Variants in CACNA1F observed in about 807,000 individuals in gnomAD.
CACNA1F encodes voltage-dependent L-type calcium channel subunit alpha-1F.
In CACNA1F, 59 loss-of-function variants were observed where a neutral mutation model predicts 143.8. The ratio of observed to expected loss-of-function variants is 0.41; its 90% CI spans 0.33 to 0.51. The LOEUF is 0.51. Ranked by LOEUF, CACNA1F falls within the 20% of genes least tolerant of loss-of-function variation. The pLI is 0.22. For synonymous variants in CACNA1F, 643 were observed against 649.1 expected (o/e 0.99, Z 0.14); for missense variants, 1,411 against 1,647.5 (o/e 0.86, Z 2.48).
chrX:49,223,595 CA>C (rs58022930), intron 14 of CACNA1F, among the ~76,000 whole-genome samples: 317 of 23,581 alleles, frequency 0.013, no homozygotes, highest in African/African-American at 0.024. Context: ...GACTCTGTCT[CA>C]AAAAAAAAAA....
At position 49,228,310 on chromosome X, in the gene CACNA1F, C is replaced by A; in HGVS notation, c.955G>T (p.Ala319Ser). 1 of 1,211,569 alleles carries A rather than the reference C, an allele frequency of 8.3e-7. No homozygotes were observed. The highest frequency in any genetic ancestry group is 1.1e-6 in the Non-Finnish European group (1 of 895,183). The change falls in exon 7 of 48, where the codon GCC (alanine) becomes TCC (serine). Residue 319 changes from alanine (A) to serine (S), a missense_variant. This residue lies in a region of CACNA1F where 950 missense variants were observed against 1,128.1 expected (regional missense o/e 0.84). Transcript: ENST00000323022. ...GITNFDNFFF[A>S]MLTVFQCVTM... ...ACACACTGGAAGACTGTCAGCATGG[C>A]GAAGAAGAAGTTGTCAAAGTTGGTG...
chrX:49,214,130 G>A (rs782510370), intron 30 of CACNA1F, 29 bp downstream of exon 30: 1 of 955,547 alleles, frequency 1.0e-6, no homozygotes, highest in Non-Finnish European at 1.5e-6. Flanking sequence ...TTCATCCACT[G>A]GTGGGTGGGG....
rs59224271 is a variant in CACNA1F at position 49,223,734 on chromosome X, C to CT, written c.1878-599dup. On this transcript the variant is annotated intron_variant, in intron 14 of 47. Coordinates refer to ENST00000323022, the MANE Select transcript of CACNA1F (RefSeq NM_001256789.3). The stretch of plus-strand genomic sequence containing the variant: ...AGGATGGAGTTTTTTTTTTTCTTAT[C>CT]TTTTTTTTTTTTTTTGAGATGAAGT... Among the ~76,000 whole-genome samples, 83 of 70,754 alleles carry CT rather than the reference C, an allele frequency of 1.2e-3. 1 individual carries two copies. Among genetic ancestry groups the CT allele is most frequent in the Admixed American group, 7.2e-3 (44 of 6,087 alleles). The allele number at this position is 70,754 out of a possible 115,157, so 61.4% of individuals were successfully genotyped here.
intron 17 of CACNA1F, among the ~76,000 whole-genome samples, chrX:49,221,616 C>T (rs1225249186): frequency 9.3e-6 from 1 of 107,874 alleles, no homozygotes; most frequent in Non-Finnish European, 1.9e-5. Context: ...CCACCCTCCT[C>T]GGCCTCCCAA....
At chrX:49,223,898 A>AT (rs782406866) in intron 14 of CACNA1F, among the ~76,000 whole-genome samples, 1 of 108,623 alleles carries the variant, frequency 9.2e-6, no homozygotes, top group South Asian at 4.0e-4. Context: ...CTCCCGGCTA[A>AT]TTTTTTTGTA....
At chrX:49,214,492 A>G (rs1172244357) in intron 29 of CACNA1F, among the ~76,000 whole-genome samples, 2 of 112,589 alleles carry the variant, frequency 1.8e-5, no homozygotes, top group African/African-American at 6.5e-5. Context: ...CTAGTGAGAC[A>G]TAAACATAAA....
rs781946990 is a variant in CACNA1F at position 49,206,751 on chromosome X, C to T, written c.5336G>A (p.Arg1779His). 72 of 1,205,141 alleles carry T rather than the reference C, an allele frequency of 6.0e-5. No homozygotes were observed. The highest frequency in any genetic ancestry group is 1.4e-4 in the African/African-American group (8 of 57,392). ...YMDGHLVPRRRLLPPTPAGRK... is the reference protein window; with the variant it reads ...YMDGHLVPRRHLLPPTPAGRK... ...ACCTGCAGGTGTGGGGGGCAGCAGA[C>T]GGCGGCGTGGTACCAGGTGCCCATC... The change falls in exon 45 of 48, where the codon CGT becomes CAT. Residue 1779 changes from arginine to histidine, a missense_variant. By Grantham distance (29) the Arg-to-His change is conservative. Transcript: ENST00000323022.
Position 49,231,211 on chromosome X carries a change from G to T in CACNA1F, c.372C>A (p.Asn124Lys). 1 of 1,150,214 alleles carries T rather than the reference G, an allele frequency of 8.7e-7. No homozygotes were observed. 94.8% of individuals were successfully genotyped at this position (1,150,214 alleles called of 1,213,427 possible). A position where few individuals can be genotyped will look rare whatever the true frequency, so the allele number is the denominator to read the frequency against. The change falls in exon 3 of 48, where the codon AAC (asparagine) becomes AAA (lysine). Residue 124 changes from asparagine (N) to lysine (K), a missense_variant. By Grantham distance (94) the Asn-to-Lys change is moderately conservative. Coordinates refer to ENST00000323022, the MANE Select transcript of CACNA1F (RefSeq NM_001256789.3). ...GCGGGGCGGGCCTTACCAGGTTGTG[G>T]TTGGCAGTGTTGGAGTCGTCCTCAG... is the stretch of plus-strand genomic sequence containing the variant. ...PFPEDDSNTA[N>K]HNLEQVEYVF...
chrX:49,208,199 A>C (rs2065618551), intron 43 of CACNA1F, among the ~76,000 whole-genome samples: 1 of 30,078 alleles, frequency 3.3e-5, no homozygotes, highest in South Asian at 1.9e-3. Flanking sequence ...CTCTGTCTCA[A>C]AAAAAAAAAA....
At chrX:49,208,989 C>T (rs1281690184) in intron 42 of CACNA1F, 1 of 402,114 alleles carries the variant, frequency 2.5e-6, no homozygotes, top group Non-Finnish European at 4.3e-6. Context: ...CCACTCCTAG[C>T]TAATTTTTAA....
rs201237474 is a variant in CACNA1F at position 49,213,810 on chromosome X, A to G, written c.3792+9T>C. ...GCGAGAGTGGATTAGTGGAAAGGCC[A>G]GTTCTCACATTGACTTCAGTGACGG... On this transcript the variant is annotated intron_variant, in intron 31 of 47. Transcript: ENST00000323022. 1.7e-6 allele frequency: 2 copies of G among 1,147,872 alleles called. No individual in the cohort carries two copies. The highest frequency in any genetic ancestry group is 1.8e-5 in the South Asian group (1 of 55,486). The allele number at this position is 1,147,872 out of a possible 1,213,427, so 94.6% of individuals were successfully genotyped here.
In CACNA1F at chrX:49,225,851, C is replaced by T; in HGVS notation, c.1651+58G>A. 3 of 1,129,721 alleles carry T rather than the reference C, an allele frequency of 2.7e-6. No homozygotes were observed. In the South Asian group the frequency reaches 5.8e-5, roughly 22 times the overall value. 93.1% of individuals were successfully genotyped at this position (1,129,721 alleles called of 1,213,427 possible). ...GCGCCCTAGAGGTTTTGGATTTAAG[C>T]TTCTGGGGTAGAAGGAATAGGAGGC... On this transcript the variant is annotated intron_variant, in intron 13 of 47. Transcript: ENST00000323022.
In CACNA1F at chrX:49,210,336, G is replaced by C. The variant is rs1557105895; in HGVS notation, c.4553C>G (p.Ala1518Gly). 8.3e-7 allele frequency: 1 copy of C among 1,207,978 alleles called. No homozygotes were observed. Among genetic ancestry groups the C allele is most frequent in the Non-Finnish European group, 1.1e-6 (1 of 891,926 alleles). Reference protein sequence around the residue: ...GTVTFNATLFALVRTSLKIKT... With the variant: ...GTVTFNATLFGLVRTSLKIKT... ...GATCTTCAGGGATGTCCGGACCAGG[G>C]CAAAGAGTGTGGCGTTGAATGTCAC... is the stretch of plus-strand genomic sequence containing the variant. Residue 1518 changes from alanine (A) to glycine (G), a missense_variant, in exon 39 of 48, where the codon GCC becomes GGC. Around this residue, in one of 3 missense-constraint regions of CACNA1F, gnomAD observed 112 missense variants for 169.2 expected, o/e 0.66. Coordinates refer to ENST00000323022, the MANE Select transcript of CACNA1F (RefSeq NM_001256789.3).
chrX:49,209,771 G>C lies in CACNA1F; in HGVS notation c.4691-12C>G. 8.3e-7 allele frequency: 1 copy of C among 1,210,799 alleles called. No individual in the cohort carries two copies. The highest frequency in any genetic ancestry group is 1.1e-6 in the Non-Finnish European group (1 of 894,747). On this transcript the variant is annotated splice_polypyrimidine_tract_variant and intron_variant, in intron 40 of 47. Transcript: ENST00000323022. ...GGTGACCTCCTCCTCTAGGGGCAAG[G>C]GAGAGAAGGCAAGATCACACAGGGG... is the stretch of plus-strand genomic sequence containing the variant.
chrX:49,208,574 GTCA>G lies in CACNA1F; in HGVS notation c.5061_5063del (p.Asp1688del), dbSNP rs2036247393. The G allele has an allele frequency of 8.3e-7, 1 of 1,208,057 alleles. No homozygotes were observed. ...GCTGACTGGAGGTGGGAGTCCCCCTGTCATCATCACTGGGCCCAAAGGAGAGTG... is the reference window on the plus strand; with the variant it reads ...GCTGACTGGAGGTGGGAGTCCCCCTGTCATCACTGGGCCCAAAGGAGAGTG... On this transcript the variant is annotated inframe_deletion, in exon 43 of 48. Coordinates refer to ENST00000323022, the MANE Select transcript of CACNA1F (RefSeq NM_001256789.3).
At chrX:49,209,130 A>C in intron 42 of CACNA1F, 132 bp downstream of exon 42, 2 of 794,549 alleles carry the variant, frequency 2.5e-6, no homozygotes, top group Non-Finnish European at 3.7e-6. Context: ...CCCAGCCTCA[A>C]ATAAATATTT....
chrX:49,231,624 C>T (rs1785923828), intron 2 of CACNA1F, 54 bp downstream of exon 2: 1 of 1,195,760 alleles, frequency 8.4e-7, no homozygotes, highest in African/African-American at 1.7e-5. Context: ...ATTCTTTACT[C>T]CTGGTACCCT....
At chrX:49,223,615 A>G (rs1405746785) in intron 14 of CACNA1F, among the ~76,000 whole-genome samples, 5 of 104,262 alleles carry the variant, frequency 4.8e-5, no homozygotes, top group African/African-American at 1.7e-4. Context: ...AAAAAAAAAA[A>G]AAAAAGAAGA....
At chrX:49,221,431 C>T (rs1267452027) in intron 17 of CACNA1F, among the ~76,000 whole-genome samples, 4 of 111,215 alleles carry the variant, frequency 3.6e-5, no homozygotes, top group Admixed American at 9.5e-5. Flanking sequence ...TTTTTTGAGA[C>T]GGAGTCTCAC....
Sources: allele counts gnomAD v4.1 joint callset (sites outside exome capture counted in the v4.1 genomes callset), GRCh38; gene constraint gnomAD v4.1.1; regional missense constraint gnomAD v4.1.1; transcripts MANE v1.5; gene names NCBI Gene and HGNC (gene_info 2026-07-23, HGNC 2026-07-21).